Variants in NEK9 observed in about 807,000 individuals in gnomAD.
The protein encoded by NEK9 is NIMA related kinase 9.
Under a neutral mutation model 123.4 loss-of-function variants are expected in NEK9, and 75 were observed. The ratio of observed to expected loss-of-function variants is 0.61; its 90% confidence interval spans 0.50 to 0.74. NEK9 has a LOEUF of 0.74. Ranked by LOEUF, NEK9 falls within the 30% of genes least tolerant of loss-of-function variation. The pLI, the probability that NEK9 is intolerant of heterozygous loss-of-function variation, is 0.00. For missense variants in NEK9, 952 were observed against 1,214.4 expected, an observed-to-expected ratio of 0.78 and a Z score of 3.21; for synonymous variants, 438 against 458.7, an observed-to-expected ratio of 0.95 and a Z score of 0.58.
intron 5 of NEK9, 139 bp downstream of exon 5, chr14:75,118,691 A>G (rs979417991): frequency 3.2e-6 from 2 of 615,490 alleles, no homozygotes; most frequent in Admixed American, 5.9e-5. Context: ...GGGCCCAGGA[A>G]AAAGACTTCT....
At position 75,080,797 on chromosome 14, in the gene NEK9, C is replaced by CTGGT. The variant is rs2139696718; in HGVS notation, c.*3766_*3767insACCA. On this transcript the variant is annotated 3_prime_UTR_variant, in exon 22 of 22. Coordinates refer to ENST00000238616, the MANE Select transcript of NEK9 (RefSeq NM_033116.6). ...CTGGGACTACAGGCGCCCACCACCA[C>CTGGT]GCCCGGCTGATTTTTTGTATTTTTA... is the stretch of plus-strand genomic sequence containing the variant. 1 of 151,920 alleles carries CTGGT rather than the reference C, an allele frequency of 6.6e-6. No individual in the cohort carries two copies. The highest frequency in any genetic ancestry group is 1.5e-5 in the Non-Finnish European group (1 of 67,996). 9.4% of individuals were successfully genotyped at this position (151,920 alleles called of 1,614,324 possible). A position where few individuals can be genotyped will look rare whatever the true frequency, so the allele number is the denominator to read the frequency against.
intron 18 of NEK9, among the ~76,000 whole-genome samples, chr14:75,095,125 TG>T (rs1467375958): frequency 3.3e-5 from 5 of 152,362 alleles, no homozygotes; most frequent in Admixed American, 6.5e-5. Flanking sequence ...ATTACAGTAC[TG>T]GGCAAGCTAC....
intron 17 of NEK9, 72 bp downstream of exon 17, chr14:75,097,028 G>T: frequency 2.1e-6 from 3 of 1,414,222 alleles, no homozygotes; most frequent in South Asian, 3.0e-5. Context: ...CCAACAATGT[G>T]ACTAACAGTA....
At position 75,109,761 on chromosome 14, in the gene NEK9, C is replaced by T. The variant is rs1413895982; in HGVS notation, c.1106G>A (p.Cys369Tyr). ...PQKLDVIKSG[C>Y]SARQVCAGNT... ...CCCTGCACAGACCTGCCGGGCACTA[C>T]AGCCACTCTTGATAACATCCAGTTT... The change falls in exon 10 of 22, where the codon TGT (cysteine) becomes TAT (tyrosine). Residue 369 changes from cysteine to tyrosine, a missense_variant. By Grantham distance (194) the Cys-to-Tyr change is radical. Around this residue, in one of 4 missense-constraint regions of NEK9, gnomAD observed 698 missense variants for 875.6 expected, o/e 0.80. Coordinates refer to ENST00000238616, the MANE Select transcript of NEK9 (RefSeq NM_033116.6). 6.2e-7 allele frequency: 1 copy of T among 1,614,204 alleles called. No homozygotes were observed. The highest frequency in any genetic ancestry group is 1.7e-5 in the Admixed American group (1 of 60,024).
At chr14:75,102,598 C>G (rs930292710) in intron 14 of NEK9, among the ~76,000 whole-genome samples, 2 of 152,012 alleles carry the variant, frequency 1.3e-5, no homozygotes, top group Non-Finnish European at 2.9e-5. Flanking sequence ...GTGATCCGCC[C>G]GCCTCAGCCT....
chr14:75,113,343 T>C lies in NEK9; in HGVS notation c.934A>G (p.Arg312Gly), dbSNP rs1594845710. 1.2e-6 allele frequency: 2 copies of C among 1,612,684 alleles called. No individual in the cohort carries two copies. The highest frequency in any genetic ancestry group is 1.7e-6 in the Non-Finnish European group (2 of 1,178,766). Reference sequence around the variant, plus strand: ...AGTGACTTCTTCATAATTTACCTCCTGCGTTTCCTGAGAAGAGGGCGATCT... The same window carrying C: ...AGTGACTTCTTCATAATTTACCTCCCGCGTTTCCTGAGAAGAGGGCGATCT... The part of the protein sequence containing the change: ...LLDRPLLRKR[R>G]REMEEKVTLL... The change falls in exon 8 of 22, where the codon AGG (arginine) becomes GGG (glycine). Residue 312 changes from arginine to glycine, a missense_variant. Around this residue, in one of 4 missense-constraint regions of NEK9, gnomAD observed 698 missense variants for 875.6 expected, o/e 0.80. Coordinates refer to ENST00000238616, the MANE Select transcript of NEK9 (RefSeq NM_033116.6).
At chr14:75,088,755 G>T in intron 19 of NEK9, 114 bp from the exon 20 acceptor site, 2 of 895,794 alleles carry the variant, frequency 2.2e-6, no homozygotes, top group Non-Finnish European at 3.4e-6. Context: ...CCTCTAGTGG[G>T]CAAGACAGTT....
At chr14:75,111,899 A>C (rs887922170) in intron 8 of NEK9, among the ~76,000 whole-genome samples, 2 of 152,170 alleles carry the variant, frequency 1.3e-5, no homozygotes, top group African/African-American at 2.4e-5. Context: ...AAAGTAAATA[A>C]AAGTAAATAA....
chr14:75,127,159 C>T (rs1895571681), upstream of NEK9: 2 of 459,240 alleles, frequency 4.4e-6, no homozygotes, highest in Non-Finnish European at 7.7e-6. Flanking sequence ...TTCCCGCTTT[C>T]GGGGAAGGCC....
chr14:75,098,849 C>G (rs1230406601), intron 16 of NEK9, among the ~76,000 whole-genome samples: 1 of 152,212 alleles, frequency 6.6e-6, no homozygotes, highest in Non-Finnish European at 1.5e-5. Context: ...GAAACATGAG[C>G]TCTCTGAAGC....
At chr14:75,100,346 T>C (rs1479975183) in intron 16 of NEK9, among the ~76,000 whole-genome samples, 1 of 151,922 alleles carries the variant, frequency 6.6e-6, no homozygotes, top group Non-Finnish European at 1.5e-5. Flanking sequence ...CTCGGGAGGC[T>C]GAGGCAGGAG....
rs538839132 is a variant in NEK9 at position 75,086,024 on chromosome 14, A to G, written c.2817+994T>C. Among the ~76,000 whole-genome samples the G allele has an allele frequency of 3.9e-5, 6 of 151,968 alleles. No individual in the cohort carries two copies. The South Asian group carries it at 1.2e-3, about 32-fold the overall frequency. ...GCCAATATGGTGAAATCCCATCTCTACTAAAAATACAAAAATTGGCTGGGC... is the reference window on the plus strand; with the variant it reads ...GCCAATATGGTGAAATCCCATCTCTGCTAAAAATACAAAAATTGGCTGGGC... On this transcript the variant is annotated intron_variant, in intron 21 of 21. Transcript: ENST00000238616.
chr14:75,117,603 G>T (rs1245431258), intron 5 of NEK9, among the ~76,000 whole-genome samples: 1 of 152,108 alleles, frequency 6.6e-6, no homozygotes, highest in African/African-American at 2.4e-5. Flanking sequence ...GATCACAGAG[G>T]CTTCAGGCAT....
At chr14:75,126,000 G>A (rs1490778285) in intron 1 of NEK9, among the ~76,000 whole-genome samples, 1 of 152,198 alleles carries the variant, frequency 6.6e-6, no homozygotes, top group Non-Finnish European at 1.5e-5. Context: ...GTGCATATGT[G>A]CAAATGTGTT....
rs1400542431 is a variant in NEK9 at position 75,083,046 on chromosome 14, A to G, written c.*1518T>C. 1 of 398,546 alleles carries G rather than the reference A, an allele frequency of 2.5e-6. No homozygotes were observed. The highest frequency in any genetic ancestry group is 4.4e-6 in the Non-Finnish European group (1 of 226,076). The allele number at this position is 398,546 out of a possible 1,614,324, so 24.7% of individuals were successfully genotyped here. A position where few individuals can be genotyped will look rare whatever the true frequency, so the allele number is the denominator to read the frequency against. The stretch of plus-strand genomic sequence containing the variant: ...AGCAATGGGGTTCTCCCCAAGCATC[A>G]GCCTTTATGCCACCAGTTTTGGAGA... On this transcript the variant is annotated 3_prime_UTR_variant, in exon 22 of 22. Transcript: ENST00000238616.
In NEK9 at chr14:75,105,970, C is replaced by T; in HGVS notation, c.1555G>A (p.Asp519Asn). 6.2e-7 allele frequency: 1 copy of T among 1,613,708 alleles called. No homozygotes were observed. Among genetic ancestry groups the T allele is most frequent in the Admixed American group, 1.7e-5 (1 of 60,020 alleles). The change falls in exon 13 of 22, where the codon GAT becomes AAT. Residue 519 changes from aspartate to asparagine, a missense_variant. Asp to Asn is a conservative substitution (Grantham distance 23). This residue lies in a region of NEK9 where 698 missense variants were observed against 875.6 expected (regional missense o/e 0.80). Coordinates refer to ENST00000238616, the MANE Select transcript of NEK9 (RefSeq NM_033116.6). The stretch of plus-strand genomic sequence containing the variant: ...TTTACCTTTTGTGGTGTATAATAAT[C>T]CTCTTCTGAATCCAAACCCAGTCGT... ...YGRLGLDSEEDYYTPQKVDVP... is the reference protein window; with the variant it reads ...YGRLGLDSEENYYTPQKVDVP...
At chr14:75,106,352 C>G in intron 12 of NEK9, 150 bp downstream of exon 12, 1 of 660,548 alleles carries the variant, frequency 1.5e-6, no homozygotes, top group Non-Finnish European at 2.4e-6. Flanking sequence ...GAGAGAGACT[C>G]TGTCTCGAGA....
chr14:75,098,243 G>A (rs1894453139), intron 16 of NEK9, among the ~76,000 whole-genome samples: 1 of 152,162 alleles, frequency 6.6e-6, no homozygotes, highest in Admixed American at 6.5e-5. Context: ...GATCTGGGCA[G>A]AAAATCAGAA....
Position 75,080,339 on chromosome 14 carries a change from AAAGAAAAAAAAAAAAG to A in NEK9, c.*4209_*4224del, listed in dbSNP as rs988869722. 1 of 7,586 alleles carries A rather than the reference AAAGAAAAAAAAAAAAG, an allele frequency of 1.3e-4. No homozygotes were observed. Among genetic ancestry groups the A allele is most frequent in the Non-Finnish European group, 6.0e-4 (1 of 1,678 alleles). The allele number at this position is 7,586 out of a possible 1,614,324, so 0.5% of individuals were successfully genotyped here. On this transcript the variant is annotated 3_prime_UTR_variant, in exon 22 of 22. Transcript: ENST00000238616. ...GTAAGAATCCATCTCAAAAAAAAAA[AAAGAAAAAAAAAAAAG>A]AAATATCTTTCATCTTTTAAATTTA...
Sources: gnomAD v4.1 joint callset for allele counts (sites outside exome capture counted in the v4.1 genomes callset) on GRCh38, gnomAD v4.1.1 for gene constraint, gnomAD v4.1.1 regional missense constraint, MANE v1.5 for transcripts, NCBI Gene and HGNC (gene_info 2026-07-23, HGNC 2026-07-21) for gene names.